BIRC6: variants seen among roughly 807,000 people sequenced by gnomAD.
BIRC6 encodes dual E2 ubiquitin-conjugating enzyme/E3 ubiquitin-protein ligase BIRC6.
Under a neutral mutation model 503.3 loss-of-function variants are expected in BIRC6, and 98 were observed. The ratio of observed to expected loss-of-function variants is 0.19; its 90% CI spans 0.17 to 0.23. The LOEUF is 0.23. Ranked by LOEUF, BIRC6 falls within the 10% of genes least tolerant of loss-of-function variation. BIRC6 has a pLI of 1.00. For synonymous variants in BIRC6, 2,240 were observed against 2,078.7 expected (o/e 1.08, Z -2.11); for missense variants, 5,360 against 5,806.0 (o/e 0.92, Z 2.50).
intron 5 of BIRC6, among the ~76,000 whole-genome samples, chr2:32,394,994 CA>C (rs893331846): frequency 4.0e-5 from 6 of 151,684 alleles, no homozygotes; most frequent in Non-Finnish European, 7.4e-5. Context: ...ACTAAAAATA[CA>C]AAAAAAATTA....
Position 32,465,122 on chromosome 2 carries a change from C to A in BIRC6, c.5314C>A (p.Pro1772Thr). The change falls in exon 26 of 74, where the codon CCT becomes ACT. Residue 1772 changes from proline (P) to threonine (T), a missense_variant. Transcript: ENST00000421745. ...AISHASHFLQ[P>T]PPHQSIIIER... ...TTCTCATGCTTCACATTTTCTTCAACCTCCGCCTCACCAGTCCATTATTAT... is the reference window on the plus strand; with the variant it reads ...TTCTCATGCTTCACATTTTCTTCAAACTCCGCCTCACCAGTCCATTATTAT... The A allele has an allele frequency of 6.2e-7, 1 of 1,605,972 alleles. No homozygotes were observed. The highest frequency in any genetic ancestry group is 8.5e-7 in the Non-Finnish European group (1 of 1,175,012).
At chr2:32,361,502 G>A (rs2034081547) in intron 1 of BIRC6, among the ~76,000 whole-genome samples, 1 of 151,994 alleles carries the variant, frequency 6.6e-6, no homozygotes, top group Non-Finnish European at 1.5e-5. Flanking sequence ...GTTACCATCC[G>A]TGATCTTAGC....
intron 65 of BIRC6, among the ~76,000 whole-genome samples, chr2:32,552,846 A>C (rs1310821731): frequency 6.6e-6 from 1 of 150,492 alleles, no homozygotes; most frequent in African/African-American, 2.4e-5. Context: ...TCTAACCAAA[A>C]CTGATAACTA....
At position 32,482,573 on chromosome 2, in the gene BIRC6, G is replaced by A; in HGVS notation, c.7687G>A (p.Val2563Ile). Residue 2563 changes from valine (V) to isoleucine (I), a missense_variant, in exon 39 of 74, where the codon GTC becomes ATC. Transcript: ENST00000421745. Reference protein sequence around the residue: ...KNGSQTVSVSVSQALDARLEV... With the variant: ...KNGSQTVSVSISQALDARLEV... ...CGGATCACAGACAGTTAGCGTTTCAGTCTCTCAGGGTAAGTGTATGTTTAT... is the reference window on the plus strand; with the variant it reads ...CGGATCACAGACAGTTAGCGTTTCAATCTCTCAGGGTAAGTGTATGTTTAT... 1 of 1,613,842 alleles carries A rather than the reference G, an allele frequency of 6.2e-7. No homozygotes were observed. Among genetic ancestry groups the A allele is most frequent in the Non-Finnish European group, 8.5e-7 (1 of 1,179,792 alleles).
chr2:32,436,525 T>C (rs2044721237), intron 15 of BIRC6, among the ~76,000 whole-genome samples: 1 of 152,170 alleles, frequency 6.6e-6, no homozygotes, highest in Admixed American at 6.6e-5. Context: ...GTCCCGTCTC[T>C]TCAGAGTTTT....
At chr2:32,409,211 T>C (rs2041584757) in intron 9 of BIRC6, among the ~76,000 whole-genome samples, 1 of 152,144 alleles carries the variant, frequency 6.6e-6, no homozygotes, top group Non-Finnish European at 1.5e-5. Context: ...CAGGCTGGAG[T>C]GCAGTGGCAC....
chr2:32,474,912 G>A (rs2049555519), intron 33 of BIRC6, among the ~76,000 whole-genome samples: 1 of 151,856 alleles, frequency 6.6e-6, no homozygotes, highest in Admixed American at 6.6e-5. Flanking sequence ...TAAAAATAAC[G>A]TTAGTGATGT....
At chr2:32,521,867 T>A (rs1237859620) in intron 57 of BIRC6, 2 of 152,202 alleles carry the variant, frequency 1.3e-5, no homozygotes, top group African/African-American at 2.4e-5. Flanking sequence ...AGTATGATGA[T>A]TGTGTGCCTT....
chr2:32,609,287 G>C (rs1429662646), intron 72 of BIRC6, among the ~76,000 whole-genome samples: 1 of 147,434 alleles, frequency 6.8e-6, no homozygotes, highest in Non-Finnish European at 1.5e-5. Flanking sequence ...GTGTGGCTCT[G>C]TGTGTGTGTG....
chr2:32,583,039 C>T (rs1173169385), intron 66 of BIRC6, among the ~76,000 whole-genome samples: 1 of 152,168 alleles, frequency 6.6e-6, no homozygotes, highest in African/African-American at 2.4e-5. Flanking sequence ...AGTGATTAAT[C>T]TCTTACAGTT....
chr2:32,359,111 A>G lies in BIRC6; in HGVS notation c.325+1625A>G, dbSNP rs143174395. Among the ~76,000 whole-genome samples the G allele has an allele frequency of 5.6e-4, 86 of 152,318 alleles. No individual in the cohort carries two copies. The East Asian group carries it at 7.7e-3, about 14-fold the overall frequency. ...ATCTCTCCTGGACTGCATTTCTCCAATCCTCCCTCTTCATAAACGTTATCT... is the reference window on the plus strand; with the variant it reads ...ATCTCTCCTGGACTGCATTTCTCCAGTCCTCCCTCTTCATAAACGTTATCT... On this transcript the variant is annotated intron_variant, in intron 1 of 73. Coordinates refer to ENST00000421745, the MANE Select transcript of BIRC6 (RefSeq NM_016252.4).
chr2:32,572,096 A>G (rs926309134), intron 65 of BIRC6, among the ~76,000 whole-genome samples: 1 of 152,168 alleles, frequency 6.6e-6, no homozygotes, highest in African/African-American at 2.4e-5. Flanking sequence ...GATACTTGAT[A>G]TGATTTCGAT....
intron 71 of BIRC6, among the ~76,000 whole-genome samples, chr2:32,606,327 C>T (rs1440262011): frequency 1.3e-5 from 2 of 152,104 alleles, no homozygotes; most frequent in African/African-American, 4.8e-5. Context: ...ATGGCTCAGA[C>T]CTGTAATCTC....
intron 3 of BIRC6, among the ~76,000 whole-genome samples, chr2:32,380,784 A>G (rs574977712): frequency 5.9e-5 from 9 of 152,282 alleles, no homozygotes; most frequent in South Asian, 2.1e-4. Flanking sequence ...GCTTAACTTC[A>G]GTTTGTGGGA....
At chr2:32,360,750 G>A (rs940450420) in intron 1 of BIRC6, among the ~76,000 whole-genome samples, 2 of 152,064 alleles carry the variant, frequency 1.3e-5, no homozygotes. Flanking sequence ...CAACCGTCTT[G>A]AACTATTTAA....
At chr2:32,586,525 G>A (rs1275968796) in intron 66 of BIRC6, among the ~76,000 whole-genome samples, 3 of 139,888 alleles carry the variant, frequency 2.1e-5, no homozygotes, top group South Asian at 2.4e-4. Context: ...CACCCAGAGC[G>A]ATCCTCCCAC....
chr2:32,427,155 A>G (rs176416), intron 10 of BIRC6, among the ~76,000 whole-genome samples: 94,954 of 151,994 alleles, frequency 0.62, 29,898 homozygotes, highest in East Asian at 0.72. Flanking sequence ...GTTTTCTATC[A>G]GATTTGGTAA....
intron 43 of BIRC6, among the ~76,000 whole-genome samples, chr2:32,490,527 T>C (rs1279498636): frequency 6.6e-6 from 1 of 152,178 alleles, no homozygotes; most frequent in Admixed American, 6.5e-5. Flanking sequence ...AGAGTGAGAC[T>C]CTGTCTCCAA....
chr2:32,596,264 G>A (rs749910020), intron 68 of BIRC6, among the ~76,000 whole-genome samples: 2 of 151,882 alleles, frequency 1.3e-5, no homozygotes, highest in Admixed American at 6.6e-5. Flanking sequence ...GGGCGGTCAC[G>A]AGGTCGGGAG....
Sources: allele counts gnomAD v4.1 joint callset (sites outside exome capture counted in the v4.1 genomes callset), GRCh38; gene constraint gnomAD v4.1.1; transcripts MANE v1.5; gene names NCBI Gene and HGNC (gene_info 2026-07-23, HGNC 2026-07-21).